RPS6KA2: variants seen among roughly 807,000 people sequenced by gnomAD.
RPS6KA2 encodes the protein ribosomal protein S6 kinase alpha-2.
A neutral mutation model predicts 91.8 loss-of-function variants in RPS6KA2; 42 were observed. The observed-to-expected ratio is 0.46, with a 90% confidence interval of 0.36 to 0.59. The LOEUF (loss-of-function observed/expected upper bound fraction) is 0.59, where lower values mean the gene tolerates loss of function less well. RPS6KA2 is among the 20% of genes least tolerant of loss of function. The pLI is 0.00. For missense variants in RPS6KA2, 798 were observed against 978.5 expected (o/e 0.82, Z 2.46); for synonymous variants, 414 against 393.6 (o/e 1.05, Z -0.61).
chr6:166,525,444 A>T (rs1190539014), intron 3 of RPS6KA2, among the ~76,000 whole-genome samples: 1 of 152,108 alleles, frequency 6.6e-6, no homozygotes, highest in African/African-American at 2.4e-5. Context: ...AGCTGAGCAG[A>T]TGACCTCCCT....
At chr6:166,582,204 C>A (rs534069753) in intron 1 of RPS6KA2, among the ~76,000 whole-genome samples, 7 of 150,552 alleles carry the variant, frequency 4.6e-5, no homozygotes, top group African/African-American at 1.7e-4. Flanking sequence ...GGGTGAGATG[C>A]CCATGGGCAG....
At chr6:166,566,084 A>G (rs1784491836) in intron 1 of RPS6KA2, among the ~76,000 whole-genome samples, 1 of 152,240 alleles carries the variant, frequency 6.6e-6, no homozygotes, top group African/African-American at 2.4e-5. Flanking sequence ...GTAGGAATTA[A>G]TCTTCAAAGT....
chr6:166,706,728 C>T (rs1291513288), intron 2 of RPS6KA2, among the ~76,000 whole-genome samples: 1 of 152,156 alleles, frequency 6.6e-6, no homozygotes, highest in Non-Finnish European at 1.5e-5. Context: ...AAGCCCCGTG[C>T]CAACTGTCTG....
intron 2 of RPS6KA2, among the ~76,000 whole-genome samples, chr6:166,738,879 C>T (rs547398597): frequency 1.3e-5 from 2 of 152,294 alleles, no homozygotes; most frequent in Admixed American, 1.3e-4. Flanking sequence ...CTGCCAATGG[C>T]TCTTGGGAAA....
At chr6:166,570,252 G>A (rs562483739) in intron 1 of RPS6KA2, among the ~76,000 whole-genome samples, 36 of 152,246 alleles carry the variant, frequency 2.4e-4, no homozygotes, top group Admixed American at 1.1e-3. Flanking sequence ...ACTGAAAAAT[G>A]GCAGCACCCC....
chr6:166,529,378 C>A (rs1201198728), intron 3 of RPS6KA2, among the ~76,000 whole-genome samples: 1 of 151,982 alleles, frequency 6.6e-6, no homozygotes, highest in Non-Finnish European at 1.5e-5. Flanking sequence ...CAACGAGAAC[C>A]CTTGGACACA....
At chr6:166,670,755 G>C (rs1395475495) in intron 2 of RPS6KA2, among the ~76,000 whole-genome samples, 1 of 152,138 alleles carries the variant, frequency 6.6e-6, no homozygotes, top group Non-Finnish European at 1.5e-5. Context: ...ACAGATGATG[G>C]GAGTTTCTCT....
rs183535773 is a variant in RPS6KA2, at chr6:166,660,796, T to C, written c.124-122012A>G. ...TCTGACGGCTGCATAATATCCTCTTTACCTGGGTGGCATGGTTTGACTACT... is the reference window on the plus strand; with the variant it reads ...TCTGACGGCTGCATAATATCCTCTTCACCTGGGTGGCATGGTTTGACTACT... On this transcript the variant is annotated intron_variant, in intron 2 of 21. Transcript: ENST00000503859. Among the ~76,000 whole-genome samples the C allele has an allele frequency of 1.2e-4, 18 of 152,292 alleles. No individual in the cohort carries two copies. The East Asian group carries it at 3.5e-3, about 29-fold the overall frequency.
chr6:166,471,825 T>C (rs1217976344), intron 10 of RPS6KA2, among the ~76,000 whole-genome samples: 2 of 152,172 alleles, frequency 1.3e-5, no homozygotes, highest in Non-Finnish European at 2.9e-5. Flanking sequence ...TCCCGAGGAC[T>C]CCCTGCTGAG....
rs1165023395 is a variant in RPS6KA2, at chr6:166,732,992, G to A, written c.123+125208C>T. On this transcript the variant is annotated intron_variant, in intron 2 of 21. Transcript: ENST00000503859. This position sits in a 1 kb window ranked among gnomAD's most constrained non-coding sequence, Gnocchi z 4.0. Reference sequence around the variant, plus strand: ...GGGGTGCAGGGTGGGAGGCAGGGGTGCACACTTATGCATTTGCCCAGTTTT... The same window carrying A: ...GGGGTGCAGGGTGGGAGGCAGGGGTACACACTTATGCATTTGCCCAGTTTT... Among the ~76,000 whole-genome samples the A allele has an allele frequency of 1.3e-5, 2 of 152,182 alleles. No individual in the cohort carries two copies. The highest frequency in any genetic ancestry group is 2.9e-5 in the Non-Finnish European group (2 of 68,032).
At chr6:166,853,746 C>G (rs1047194509) in intron 2 of RPS6KA2, among the ~76,000 whole-genome samples, 4 of 152,270 alleles carry the variant, frequency 2.6e-5, no homozygotes, top group South Asian at 2.1e-4. Context: ...AGACCCTCAA[C>G]AAGTCCGCCC....
intron 2 of RPS6KA2, among the ~76,000 whole-genome samples, chr6:166,754,813 C>A (rs1777959081): frequency 6.6e-6 from 1 of 152,148 alleles, no homozygotes; most frequent in African/African-American, 2.4e-5. Flanking sequence ...CTGCACCCTC[C>A]CAATGCCATG....
chr6:166,451,367 C>T (rs4709115), intron 12 of RPS6KA2, 134 bp from the exon 13 acceptor site: 11,072 of 854,946 alleles, frequency 0.013, 384 homozygotes, highest in East Asian at 0.1. Flanking sequence ...GTGCACGTGG[C>T]GTATGCCTGT....
intron 16 of RPS6KA2, among the ~76,000 whole-genome samples, chr6:166,425,807 C>A: frequency 6.6e-6 from 1 of 152,124 alleles, no homozygotes; most frequent in East Asian, 1.9e-4. Context: ...TAAAGCAAGT[C>A]CTGAATCACC....
intron 14 of RPS6KA2, 40 bp from the exon 15 acceptor site, chr6:166,432,530 T>C (rs577483234): frequency 9.5e-6 from 13 of 1,364,790 alleles, no homozygotes; most frequent in South Asian, 5.9e-5. Flanking sequence ...GGGTCTACTT[T>C]AGGCTTTCGG....
intron 2 of RPS6KA2, among the ~76,000 whole-genome samples, chr6:166,663,414 C>G (rs1788216766): frequency 6.6e-6 from 1 of 152,132 alleles, no homozygotes; most frequent in Admixed American, 6.6e-5. Context: ...GGCTTTGCAC[C>G]CTGAGAAAGC....
chr6:166,638,452 C>T (rs1188435992), intron 2 of RPS6KA2, among the ~76,000 whole-genome samples: 5 of 152,160 alleles, frequency 3.3e-5, no homozygotes, highest in Admixed American at 6.5e-5. Flanking sequence ...TGAACAACGT[C>T]GCTCTTGAAA....
intron 2 of RPS6KA2, among the ~76,000 whole-genome samples, chr6:166,736,843 T>G (rs1475222166): frequency 6.6e-6 from 1 of 152,236 alleles, no homozygotes; most frequent in Non-Finnish European, 1.5e-5. Flanking sequence ...AGCCTTTCTC[T>G]TCCAGTTGTA....
At chr6:166,858,065 T>C in intron 2 of RPS6KA2, 2 of 708,730 alleles carry the variant, frequency 2.8e-6, no homozygotes, top group Non-Finnish European at 2.6e-6. Flanking sequence ...TGTGCATGTG[T>C]ATGTATAGAG....
Sources: gnomAD v4.1 joint callset for allele counts (sites outside exome capture counted in the v4.1 genomes callset) on GRCh38, gnomAD v4.1.1 for gene constraint, Gnocchi (gnomAD v3.1) non-coding constraint, MANE v1.5 for transcripts, NCBI Gene and HGNC (gene_info 2026-07-23, HGNC 2026-07-21) for gene names.